The following STYX variants were observed in gnomAD, a reference collection of about 807,000 sequenced individuals.
STYX encodes serine/threonine/tyrosine interacting protein.
STYX carries 20 observed loss-of-function variants against 42.7 expected under a neutral mutation model. The ratio of observed to expected loss-of-function variants is 0.47; its 90% CI spans 0.33 to 0.68. The LOEUF (loss-of-function observed/expected upper bound fraction) is 0.68. Ranked by LOEUF, STYX falls within the 30% of genes least tolerant of loss-of-function variation. The pLI is 0.02. For missense variants in STYX, 226 were observed against 268.5 expected (o/e 0.84, Z 1.11); for synonymous variants, 78 against 81.9 (o/e 0.95, Z 0.26).
At position 52,746,633 on chromosome 14, in the gene STYX, A is replaced by G. The variant is rs534274293; in HGVS notation, c.144+154A>G. On this transcript the variant is annotated intron_variant, in intron 3 of 10. Coordinates refer to ENST00000354586, the MANE Select transcript of STYX (RefSeq NM_145251.4). ...CTCTGGAGTACCTTCCTCTTTCCCT[A>G]TTTTACTAGACCAGTAGTTCTCAAG... Among the ~76,000 whole-genome samples, 14 of 152,260 alleles carry G rather than the reference A, an allele frequency of 9.2e-5. No individual in the cohort carries two copies. In the Middle Eastern group the frequency reaches 0.014, roughly 148 times the overall value.
intron 3 of STYX, among the ~76,000 whole-genome samples, chr14:52,748,599 G>A (rs1370011715): frequency 6.6e-6 from 1 of 152,150 alleles, no homozygotes; most frequent in Non-Finnish European, 1.5e-5. Flanking sequence ...TTAGGTTGGT[G>A]CAAAAGTAAT....
At chr14:52,733,657 C>G (rs552679355) in intron 1 of STYX, among the ~76,000 whole-genome samples, 185 of 152,114 alleles carry the variant, frequency 1.2e-3, no homozygotes, top group Non-Finnish European at 2.2e-3. Context: ...AAGGATACTA[C>G]AAAAGATCAG....
rs1197627183 is a variant in STYX at position 52,752,878 on chromosome 14, TG to T, written c.242+2099del. On this transcript the variant is annotated intron_variant, in intron 4 of 10. Transcript: ENST00000354586. Reference sequence around the variant, plus strand: ...TTTTAATTTTGTTTTTTTTTGTTGTTGTTGTTTTTTTTTTTTTTTTGAGATG... The same window carrying T: ...TTTTAATTTTGTTTTTTTTTGTTGTTTTGTTTTTTTTTTTTTTTTGAGATG... 6.5e-3 allele frequency among the ~76,000 whole-genome samples: 853 copies of T among 132,070 alleles called. 12 individuals carry two copies. The highest frequency in any genetic ancestry group is 0.022 in the African/African-American group (808 of 36,242). The allele number at this position is 132,070 out of a possible 152,430, so 86.6% of individuals were successfully genotyped here. A position where few individuals can be genotyped will look rare whatever the true frequency, so the allele number is the denominator to read the frequency against.
At chr14:52,767,039 G>A (rs143893717) in intron 9 of STYX, among the ~76,000 whole-genome samples, 49 of 152,312 alleles carry the variant, frequency 3.2e-4, no homozygotes, top group Admixed American at 5.2e-4. Context: ...TAGTAGGCCA[G>A]AAGTAATGAA....
intron 1 of STYX, among the ~76,000 whole-genome samples, chr14:52,734,489 C>A (rs1461950344): frequency 6.6e-6 from 1 of 152,180 alleles, no homozygotes; most frequent in South Asian, 2.1e-4. Flanking sequence ...TAAATCACTT[C>A]ATTAGCATAA....
At chr14:52,748,778 G>C (rs974702719) in intron 3 of STYX, among the ~76,000 whole-genome samples, 1 of 152,172 alleles carries the variant, frequency 6.6e-6, no homozygotes, top group East Asian at 1.9e-4. Context: ...TCATAAAGTA[G>C]ATAGGAAAAC....
Position 52,730,352 on chromosome 14 carries a change from G to GCCGCCCTCCTGT in STYX, c.-121_-110dup. On this transcript the variant is annotated 5_prime_UTR_variant, in exon 1 of 11. Transcript: ENST00000354586. Reference sequence around the variant, plus strand: ...GTCTGCGTGTGTTAGTTGTAATCCCGCCGCCCTCCTGTCAGCCCTCCGCTC... The same window carrying GCCGCCCTCCTGT: ...GTCTGCGTGTGTTAGTTGTAATCCCGCCGCCCTCCTGTCCGCCCTCCTGTCAGCCCTCCGCTC... 1.1e-6 allele frequency: 1 copy of GCCGCCCTCCTGT among 944,710 alleles called. No individual in the cohort carries two copies. Among genetic ancestry groups the GCCGCCCTCCTGT allele is most frequent in the South Asian group, 1.5e-5 (1 of 67,306 alleles). 58.5% of individuals were successfully genotyped at this position (944,710 alleles called of 1,614,324 possible). A position where few individuals can be genotyped will look rare whatever the true frequency, so the allele number is the denominator to read the frequency against.
In STYX at chr14:52,773,792, C is replaced by G. The variant is rs925068977; in HGVS notation, c.*2686C>G. ...TCTATTTGATTCCATTTCTGTGATTCTTTTATTACCACTGATGTTTTGTGA... is the reference window on the plus strand; with the variant it reads ...TCTATTTGATTCCATTTCTGTGATTGTTTTATTACCACTGATGTTTTGTGA... On this transcript the variant is annotated 3_prime_UTR_variant, in exon 11 of 11. Transcript: ENST00000354586. 1 of 151,924 alleles carries G rather than the reference C, an allele frequency of 6.6e-6. No homozygotes were observed. Among genetic ancestry groups the G allele is most frequent in the Non-Finnish European group, 1.5e-5 (1 of 67,964 alleles). 9.4% of individuals were successfully genotyped at this position (151,924 alleles called of 1,614,324 possible). A position where few individuals can be genotyped will look rare whatever the true frequency, so the allele number is the denominator to read the frequency against.
In STYX at chr14:52,755,426, G is replaced by C. The variant is rs1881824172; in HGVS notation, c.243-1125G>C. Among the ~76,000 whole-genome samples, 3 of 152,106 alleles carry C rather than the reference G, an allele frequency of 2.0e-5. No individual in the cohort carries two copies. The South Asian group carries it at 6.2e-4, about 32-fold the overall frequency. On this transcript the variant is annotated intron_variant, in intron 4 of 10. Transcript: ENST00000354586. ...GCATGAGCCACCATGCTCAGCCTCA[G>C]CTTCTCTGTATTAAAGTCCTGAATT...
intron 4 of STYX, among the ~76,000 whole-genome samples, chr14:52,752,442 C>T (rs748707220): frequency 1.1e-4 from 17 of 151,698 alleles, no homozygotes; most frequent in African/African-American, 3.2e-4. Context: ...TCCAGCCTGG[C>T]GACAGAGCAA....
At chr14:52,750,263 G>T (rs936323592) in intron 3 of STYX, among the ~76,000 whole-genome samples, 7 of 152,158 alleles carry the variant, frequency 4.6e-5, no homozygotes, top group Admixed American at 4.6e-4. Context: ...TTCCAGTACT[G>T]CTGTTAACTA....
rs1313993206 is a variant in STYX at position 52,759,771 on chromosome 14, T to C, written c.504+17T>C. 1 of 1,515,106 alleles carries C rather than the reference T, an allele frequency of 6.6e-7. No individual in the cohort carries two copies. The highest frequency in any genetic ancestry group is 2.3e-5 in the East Asian group (1 of 44,322). 93.9% of individuals were successfully genotyped at this position (1,515,106 alleles called of 1,614,324 possible). On this transcript the variant is annotated intron_variant, in intron 9 of 10. Coordinates refer to ENST00000354586, the MANE Select transcript of STYX (RefSeq NM_145251.4). ...CAACTTCAGGTAACTTTTCTTCCTC[T>C]TTAAGGCAATCAGAAGTAAGATATA...
chr14:52,736,433 A>G (rs1594863173), intron 1 of STYX, among the ~76,000 whole-genome samples: 1 of 152,252 alleles, frequency 6.6e-6, no homozygotes, highest in Non-Finnish European at 1.5e-5. Flanking sequence ...AGTAGCTGAT[A>G]GTACCAATTT....
At chr14:52,732,266 C>T (rs1594860336) in intron 1 of STYX, among the ~76,000 whole-genome samples, 2 of 112,288 alleles carry the variant, frequency 1.8e-5, no homozygotes, top group African/African-American at 3.6e-5. Flanking sequence ...CCAGGCCCAG[C>T]TTTTTTTTTT....
rs1485896598 is a variant in STYX, at chr14:52,730,483, C to T, written c.9C>T (p.Asp3=). 2.5e-6 allele frequency: 4 copies of T among 1,613,562 alleles called. No individual in the cohort carries two copies. In the South Asian group the frequency reaches 4.4e-5, roughly 18 times the overall value. Residue 3 remains aspartate (D), a synonymous_variant, in exon 1 of 11, where the codon GAC becomes GAT. Coordinates refer to ENST00000354586, the MANE Select transcript of STYX (RefSeq NM_145251.4). The part of the protein sequence containing the change: ME[D]VKLEFPSLPQ... ...GCCCGCGGGCCAGCACCATGGAGGA[C>T]GTGAAGCTGGAGTTCCCTTCCCTTC...
At chr14:52,749,821 A>G (rs1416189349) in intron 3 of STYX, among the ~76,000 whole-genome samples, 1 of 152,170 alleles carries the variant, frequency 6.6e-6, no homozygotes, top group Non-Finnish European at 1.5e-5. Flanking sequence ...CCAAAGTGAA[A>G]CTTTTTGAGT....
intron 9 of STYX, 46 bp downstream of exon 9, chr14:52,759,800 T>G: frequency 4.0e-6 from 5 of 1,261,026 alleles, no homozygotes; most frequent in Non-Finnish European, 5.7e-6. Flanking sequence ...AGATATAAAA[T>G]CTTTTATACA....
At chr14:52,759,479 A>G (rs755296970) in intron 8 of STYX, among the ~76,000 whole-genome samples, 5 of 152,130 alleles carry the variant, frequency 3.3e-5, no homozygotes, top group Non-Finnish European at 7.4e-5. Context: ...TAGACTCTTC[A>G]TTTTACCAAT....
chr14:52,748,625 G>A (rs1445811647), intron 3 of STYX, among the ~76,000 whole-genome samples: 1 of 152,126 alleles, frequency 6.6e-6, no homozygotes, highest in African/African-American at 2.4e-5. Context: ...ATCTGCCTCT[G>A]AAAAGTACAA....
Sources: gnomAD v4.1 joint callset for allele counts (sites outside exome capture counted in the v4.1 genomes callset) on GRCh38, gnomAD v4.1.1 for gene constraint, MANE v1.5 for transcripts, NCBI Gene and HGNC (gene_info 2026-07-23, HGNC 2026-07-21) for gene names.